The following MMS22L variants were observed in gnomAD, a reference collection of about 807,000 sequenced individuals.
MMS22L encodes the protein protein MMS22-like.
In MMS22L, 74 loss-of-function variants were observed where a neutral mutation model predicts 159.1. The ratio of observed to expected loss-of-function variants is 0.47; its 90% CI spans 0.39 to 0.56. The LOEUF (loss-of-function observed/expected upper bound fraction) is 0.56. Ranked by LOEUF, MMS22L falls within the 20% of genes least tolerant of loss-of-function variation. The pLI is 0.00. For synonymous variants in MMS22L, 517 were observed against 506.9 expected, an observed-to-expected ratio of 1.02 and a Z score of -0.27; for missense variants, 1,351 against 1,422.1, an observed-to-expected ratio of 0.95 and a Z score of 0.80.
chr6:97,212,606 C>G (rs1808508320), intron 14 of MMS22L, among the ~76,000 whole-genome samples: 2 of 152,146 alleles, frequency 1.3e-5, no homozygotes, highest in African/African-American at 2.4e-5. Context: ...CAATACGTAT[C>G]ATTATACACA....
intron 3 of MMS22L, 112 bp downstream of exon 3, chr6:97,281,125 C>T: frequency 9.6e-7 from 1 of 1,038,196 alleles, no homozygotes; most frequent in East Asian, 2.6e-5. Context: ...AAGTGAGCAA[C>T]CAGCACAATT....
chr6:97,189,579 A>AGAATAATT, intron 14 of MMS22L, among the ~76,000 whole-genome samples: 1 of 113,286 alleles, frequency 8.8e-6, no homozygotes, highest in East Asian at 2.2e-4. Context: ...AAAAAAAAAA[A>AGAATAATT]GAATAATTAA....
chr6:97,271,738 C>T (rs1330884863), intron 6 of MMS22L: 1 of 152,194 alleles, frequency 6.6e-6, no homozygotes, highest in Non-Finnish European at 1.5e-5. Context: ...GTGGTGCAAT[C>T]ATGTCTCACC....
intron 11 of MMS22L, among the ~76,000 whole-genome samples, chr6:97,234,279 GA>G (rs1180251588): frequency 6.6e-6 from 1 of 152,096 alleles, no homozygotes; most frequent in Non-Finnish European, 1.5e-5. Flanking sequence ...CCAGAAACCA[GA>G]AAAGGAACCC....
chr6:97,273,114 A>T, intron 4 of MMS22L, 52 bp from the exon 5 acceptor site: 3 of 1,442,630 alleles, frequency 2.1e-6, no homozygotes, highest in Non-Finnish European at 2.8e-6. Context: ...TATCATGGGC[A>T]GTGACAAAAA....
chr6:97,244,776 G>C (rs1295220083), intron 11 of MMS22L, among the ~76,000 whole-genome samples: 1 of 152,062 alleles, frequency 6.6e-6, no homozygotes, highest in African/African-American at 2.4e-5. Context: ...TATTAGTTCT[G>C]TCCCTCTAGA....
chr6:97,242,591 C>T (rs900800467), intron 11 of MMS22L, among the ~76,000 whole-genome samples: 2 of 152,112 alleles, frequency 1.3e-5, no homozygotes, highest in Admixed American at 6.5e-5. Flanking sequence ...TTACATACAA[C>T]GTTAGTATTG....
intron 11 of MMS22L, among the ~76,000 whole-genome samples, chr6:97,238,747 C>T (rs954471640): frequency 6.2e-5 from 9 of 145,338 alleles, no homozygotes; most frequent in African/African-American, 2.1e-4. Context: ...ATCAAATGTA[C>T]GCATATTACA....
chr6:97,162,430 AC>A (rs1354699179), intron 21 of MMS22L, among the ~76,000 whole-genome samples: 2 of 151,890 alleles, frequency 1.3e-5, no homozygotes, highest in Admixed American at 6.6e-5. Flanking sequence ...TTTAAAATGA[AC>A]TCAAAATCCA....
intron 18 of MMS22L, among the ~76,000 whole-genome samples, chr6:97,176,840 A>G (rs1263000986): frequency 2.6e-5 from 4 of 152,246 alleles, no homozygotes; most frequent in South Asian, 2.1e-4. Context: ...TTTGCTGATT[A>G]TGCTTCGTAT....
intron 9 of MMS22L, chr6:97,258,713 T>C (rs1814101569): frequency 6.6e-6 from 1 of 152,164 alleles, no homozygotes; most frequent in Non-Finnish European, 1.5e-5. Context: ...ACAAATATAA[T>C]AGATTTAAAA....
At chr6:97,266,244 T>C (rs1291683846) in intron 8 of MMS22L, 3 of 152,236 alleles carry the variant, frequency 2.0e-5, no homozygotes, top group African/African-American at 7.2e-5. Flanking sequence ...ACAGCCATCA[T>C]GTAATACAGT....
At chr6:97,173,442 A>T (rs1623061) in intron 18 of MMS22L, among the ~76,000 whole-genome samples, 83,879 of 151,462 alleles carry the variant, frequency 0.55, 24,284 homozygotes, top group African/African-American at 0.73. Flanking sequence ...AAAGGAAGAA[A>T]TCTTAAAAAC....
intron 7 of MMS22L, 79 bp downstream of exon 7, chr6:97,269,823 C>T: frequency 1.0e-6 from 1 of 982,674 alleles, no homozygotes; most frequent in Non-Finnish European, 1.5e-6. Context: ...TATCAGAAAG[C>T]ACTTATTACT....
chr6:97,151,957 T>A (rs1397085366), intron 22 of MMS22L, 90 bp from the exon 23 acceptor site: 2 of 949,336 alleles, frequency 2.1e-6, no homozygotes, highest in African/African-American at 3.3e-5. Flanking sequence ...TAGAAAAATA[T>A]GTTGTTTTCT....
At chr6:97,220,503 A>T (rs1468814742) in intron 14 of MMS22L, among the ~76,000 whole-genome samples, 1 of 152,182 alleles carries the variant, frequency 6.6e-6, no homozygotes, top group Non-Finnish European at 1.5e-5. Context: ...TATGTGAATT[A>T]TATGTCAATA....
intron 14 of MMS22L, among the ~76,000 whole-genome samples, chr6:97,221,002 A>G (rs1809579582): frequency 7.1e-6 from 1 of 140,244 alleles, no homozygotes; most frequent in African/African-American, 2.6e-5. Flanking sequence ...ACACACACAC[A>G]CGTCCATTGA....
intron 2 of MMS22L, 144 bp downstream of exon 2, chr6:97,282,170 A>G: frequency 1.3e-6 from 1 of 789,444 alleles, no homozygotes; most frequent in Non-Finnish European, 2.0e-6. Context: ...AGAACTGATA[A>G]TCATTTGTAC....
chr6:97,170,446 C>A (rs1803416693), intron 19 of MMS22L, among the ~76,000 whole-genome samples: 1 of 134,238 alleles, frequency 7.4e-6, no homozygotes, highest in Non-Finnish European at 1.6e-5. Context: ...CATACAGTAC[C>A]TTTGTAAAAA....
Sources: allele counts gnomAD v4.1 joint callset (sites outside exome capture counted in the v4.1 genomes callset), GRCh38; gene constraint gnomAD v4.1.1; transcripts MANE v1.5; gene names NCBI Gene and HGNC (gene_info 2026-07-23, HGNC 2026-07-21).